Variants in CDC27 observed in about 807,000 individuals in gnomAD.
CDC27 encodes the protein cell division cycle 27.
Under a neutral mutation model 109.7 loss-of-function variants are expected in CDC27, and 27 were observed. The observed-to-expected ratio is 0.25, with a 90% CI of 0.18 to 0.34. The LOEUF (loss-of-function observed/expected upper bound fraction) is 0.34, where lower values mean the gene tolerates loss of function less well. CDC27 is among the 10% of genes least tolerant of loss of function. The pLI is 1.00. For missense variants in CDC27, 579 were observed against 960.2 expected, an observed-to-expected ratio of 0.60 and a Z score of 5.25; for synonymous variants, 266 against 333.9, an observed-to-expected ratio of 0.80 and a Z score of 2.22.
intron 8 of CDC27, among the ~76,000 whole-genome samples, chr17:47,153,567 A>T (rs1421842350): frequency 6.6e-6 from 1 of 152,232 alleles, no homozygotes; most frequent in Non-Finnish European, 1.5e-5. Flanking sequence ...AACTATAAGA[A>T]GAAACATGTT....
chr17:47,134,485 G>T (rs572737147), intron 14 of CDC27, among the ~76,000 whole-genome samples: 1,920 of 148,644 alleles, frequency 0.013, 50 homozygotes, highest in African/African-American at 0.044. Context: ...TTTTTTTTTT[G>T]TTTTGTTTTG....
chr17:47,154,650 C>T, intron 8 of CDC27, 22 bp downstream of exon 8: 1 of 1,260,380 alleles, frequency 7.9e-7, no homozygotes, highest in Non-Finnish European at 1.1e-6. Context: ...AATTCCCAAA[C>T]TGCATTTTAC....
chr17:47,141,650 C>T (rs192468303), intron 12 of CDC27, among the ~76,000 whole-genome samples: 12 of 152,100 alleles, frequency 7.9e-5, no homozygotes, highest in African/African-American at 1.7e-4. Flanking sequence ...AAACCTATTC[C>T]GAGAAGTTGC....
At chr17:47,144,835 T>A (rs1403841157) in intron 9 of CDC27, among the ~76,000 whole-genome samples, 1 of 151,008 alleles carries the variant, frequency 6.6e-6, no homozygotes, top group Non-Finnish European at 1.5e-5. Context: ...ATATGTAATA[T>A]GTACAGATAC....
intron 12 of CDC27, chr17:47,139,962 G>C (rs139483708): frequency 6.6e-6 from 1 of 151,658 alleles, no homozygotes; most frequent in Non-Finnish European, 1.5e-5. Context: ...ATTCTCAGCT[G>C]CCAGAAAAGG....
At chr17:47,136,805 C>T (rs1219343404) in intron 14 of CDC27, among the ~76,000 whole-genome samples, 1 of 152,148 alleles carries the variant, frequency 6.6e-6, no homozygotes, top group Non-Finnish European at 1.5e-5. Flanking sequence ...TTTCCAATTT[C>T]CCAAGCACTT....
At chr17:47,165,144 C>T (rs2063606378) in intron 4 of CDC27, among the ~76,000 whole-genome samples, 1 of 152,178 alleles carries the variant, frequency 6.6e-6, no homozygotes, top group Non-Finnish European at 1.5e-5. Context: ...AGTTACTATA[C>T]ATATCAATAT....
Position 47,143,904 on chromosome 17 carries a change from A to T in CDC27, c.1149T>A (p.Thr383=). ...ALPRRSSRLF[T]SDSSTTKENS... ...TTACCTTGGTTGTGGAGCTGTCACT[A>T]GTAAAGAGTCGTGAACTTCTTCGAG... The change falls in exon 10 of 19, where the codon ACT becomes ACA. Residue 383 remains threonine, a synonymous_variant. Transcript: ENST00000066544. 1 of 1,478,604 alleles carries T rather than the reference A, an allele frequency of 6.8e-7. No individual in the cohort carries two copies. Among genetic ancestry groups the T allele is most frequent in the Non-Finnish European group, 9.0e-7 (1 of 1,105,470 alleles). The allele number at this position is 1,478,604 out of a possible 1,614,324, so 91.6% of individuals were successfully genotyped here. A position where few individuals can be genotyped will look rare whatever the true frequency, so the allele number is the denominator to read the frequency against.
intron 1 of CDC27, among the ~76,000 whole-genome samples, chr17:47,182,789 G>A (rs971576121): frequency 6.6e-6 from 1 of 151,910 alleles, no homozygotes; most frequent in Admixed American, 6.6e-5. Flanking sequence ...TTTCTAGGGT[G>A]TTTTTTTGTT....
chr17:47,176,806 A>T (rs1007048584), intron 2 of CDC27, among the ~76,000 whole-genome samples: 5 of 152,214 alleles, frequency 3.3e-5, no homozygotes, highest in Admixed American at 6.5e-5. Flanking sequence ...ATTCAATGAA[A>T]ATAGGTGAGT....
chr17:47,156,223 C>CT lies in CDC27; in HGVS notation c.842+689dup, dbSNP rs1289095963. On this transcript the variant is annotated intron_variant, in intron 7 of 18. Coordinates refer to ENST00000066544, the MANE Select transcript of CDC27 (RefSeq NM_001256.6). ...ACACCATCTCGGCTCACTGCAACCTCTGTCTCCCGGGTTCAAGTGATTCTC... is the reference window on the plus strand; with the variant it reads ...ACACCATCTCGGCTCACTGCAACCTCTTGTCTCCCGGGTTCAAGTGATTCTC... 7.9e-5 allele frequency among the ~76,000 whole-genome samples: 12 copies of CT among 152,218 alleles called. No individual in the cohort carries two copies. In the East Asian group the frequency reaches 1.7e-3, roughly 22 times the overall value.
intron 16 of CDC27, 31 bp from the exon 17 acceptor site, chr17:47,123,991 GC>G: frequency 6.7e-7 from 1 of 1,502,628 alleles, no homozygotes. Context: ...CCTTAAAGTA[GC>G]AAAAATTTTT....
rs761041557 is a variant in CDC27, at chr17:47,129,419, C to G, written c.2134G>C (p.Val712Leu). 9 of 1,611,974 alleles carry G rather than the reference C, an allele frequency of 5.6e-6. No homozygotes were observed. The East Asian group carries it at 2.0e-4, about 36-fold the overall frequency. ...NPLCKFHRAS[V>L]LFANEKYKSA... ...TTATATTTTTCATTTGCAAATAAAA[C>G]TGAGGCTCTGTGAAATTTGCATAGA... The change falls in exon 16 of 19, where the codon GTT becomes CTT. Residue 712 changes from valine to leucine, a missense_variant. This residue lies in a region of CDC27 where 227 missense variants were observed against 363.6 expected (regional missense o/e 0.62). Coordinates refer to ENST00000066544, the MANE Select transcript of CDC27 (RefSeq NM_001256.6).
At chr17:47,149,726 G>A (rs1039165424) in intron 9 of CDC27, among the ~76,000 whole-genome samples, 4 of 151,742 alleles carry the variant, frequency 2.6e-5, no homozygotes, top group Admixed American at 6.6e-5. Context: ...AGGCTGAGGC[G>A]GGTGGATCAT....
rs749696533 is a variant in CDC27, at chr17:47,181,581, T to C, written c.84A>G (p.Ala28=). ...TCAAACCTTCTGCATAAAGGCGTTC[T>C]GCGAGGAAAACCGCATCTCGGTAAG... The part of the protein sequence containing the change: ...HYAYRDAVFL[A]ERLYAEVHSE... The change falls in exon 2 of 19, where the codon GCA becomes GCG. Residue 28 remains alanine (A), a synonymous_variant. Coordinates refer to ENST00000066544, the MANE Select transcript of CDC27 (RefSeq NM_001256.6). The C allele has an allele frequency of 3.1e-6, 5 of 1,605,080 alleles. No individual in the cohort carries two copies. The highest frequency in any genetic ancestry group is 8.5e-7 in the Non-Finnish European group (1 of 1,172,708).
At chr17:47,127,075 T>C (rs906984968) in intron 16 of CDC27, among the ~76,000 whole-genome samples, 1 of 152,158 alleles carries the variant, frequency 6.6e-6, no homozygotes, top group Admixed American at 6.6e-5. Flanking sequence ...ATTACAAGCA[T>C]GGGCCACGGC....
In CDC27 at chr17:47,152,331, C is replaced by T. The variant is rs561026212; in HGVS notation, c.958-413G>A. 4.6e-5 allele frequency among the ~76,000 whole-genome samples: 7 copies of T among 152,000 alleles called. No individual in the cohort carries two copies. In the East Asian group the frequency reaches 1.2e-3, roughly 25 times the overall value. On this transcript the variant is annotated intron_variant, in intron 8 of 18. Transcript: ENST00000066544. ...TTATACACAGAAAAAAATAATAATACGATAAGATTTTATACTCCTTTGGCA... is the reference window on the plus strand; with the variant it reads ...TTATACACAGAAAAAAATAATAATATGATAAGATTTTATACTCCTTTGGCA...
At chr17:47,177,067 G>T (rs928483323) in intron 2 of CDC27, among the ~76,000 whole-genome samples, 1 of 152,068 alleles carries the variant, frequency 6.6e-6, no homozygotes, top group Non-Finnish European at 1.5e-5. Context: ...TGATACACCC[G>T]ATGCAATCTA....
At chr17:47,180,973 A>C (rs1249656074) in intron 2 of CDC27, among the ~76,000 whole-genome samples, 3 of 147,312 alleles carry the variant, frequency 2.0e-5, no homozygotes, top group Non-Finnish European at 3.0e-5. Context: ...AAAAAAATAC[A>C]TGGCATGGTG....
Sources: allele counts gnomAD v4.1 joint callset (sites outside exome capture counted in the v4.1 genomes callset), GRCh38; gene constraint gnomAD v4.1.1; regional missense constraint gnomAD v4.1.1; transcripts MANE v1.5; gene names NCBI Gene and HGNC (gene_info 2026-07-23, HGNC 2026-07-21).